ARHGEF12: variants seen among roughly 807,000 people sequenced by gnomAD.
ARHGEF12 encodes Rho guanine nucleotide exchange factor 12.
Under a neutral mutation model 211.2 loss-of-function variants are expected in ARHGEF12, and 66 were observed. That is an observed-to-expected ratio of 0.31 (90% CI 0.26 to 0.38). ARHGEF12 has a LOEUF of 0.38. Ranked by LOEUF, ARHGEF12 falls within the 10% of genes least tolerant of loss-of-function variation. The pLI, the probability that ARHGEF12 is intolerant of heterozygous loss-of-function variation, is 1.00. For synonymous variants in ARHGEF12, 592 were observed against 638.4 expected (o/e 0.93, Z 1.09); for missense variants, 1,429 against 1,869.5 (o/e 0.76, Z 4.34).
At chr11:120,390,153 A>T (rs1944167411) in intron 1 of ARHGEF12, among the ~76,000 whole-genome samples, 1 of 151,932 alleles carries the variant, frequency 6.6e-6, no homozygotes, top group Non-Finnish European at 1.5e-5. Context: ...CAATCAAAGG[A>T]TAGTTGGGTC....
chr11:120,468,914 CA>C (rs1416903599), intron 29 of ARHGEF12, among the ~76,000 whole-genome samples: 1 of 152,104 alleles, frequency 6.6e-6, no homozygotes, highest in African/African-American at 2.4e-5. Flanking sequence ...GTAGGCTATG[CA>C]CTGTGAAATT....
At chr11:120,355,138 T>C (rs1414093139) in intron 1 of ARHGEF12, among the ~76,000 whole-genome samples, 1 of 152,184 alleles carries the variant, frequency 6.6e-6, no homozygotes, top group Middle Eastern at 3.2e-3. Flanking sequence ...AAAAGTCAGA[T>C]TGGCAAAAAT....
chr11:120,421,889 TA>T (rs754683208), intron 6 of ARHGEF12, 37 bp downstream of exon 6: 7 of 1,526,012 alleles, frequency 4.6e-6, no homozygotes, highest in Admixed American at 1.8e-5. Context: ...ACGGTAGGAT[TA>T]AAAAACAACA....
chr11:120,453,138 G>A (rs759231241), intron 22 of ARHGEF12, among the ~76,000 whole-genome samples: 2 of 152,186 alleles, frequency 1.3e-5, no homozygotes, highest in African/African-American at 4.8e-5. Flanking sequence ...GTCTCAGAGG[G>A]CTGTAGCAGA....
Position 120,484,473 on chromosome 11 carries a change from G to A in ARHGEF12, c.4590G>A (p.Arg1530=), listed in dbSNP as rs1484412352. 6.2e-7 allele frequency: 1 copy of A among 1,614,056 alleles called. No individual in the cohort carries two copies. Among genetic ancestry groups the A allele is most frequent in the Admixed American group, 1.7e-5 (1 of 60,022 alleles). The change falls in exon 40 of 41, where the codon AGG becomes AGA. Residue 1530 remains arginine, a synonymous_variant. Transcript: ENST00000397843. ...VEESYTILCQ[R]LAGSALTDKH... ...AAAGTTACACCATTCTTTGCCAAAG[G>A]CTGGCTGGATCAGCCCTCACAGACA...
At chr11:120,424,517 G>A in intron 7 of ARHGEF12, 102 bp downstream of exon 7, 2 of 917,842 alleles carry the variant, frequency 2.2e-6, no homozygotes, top group South Asian at 2.9e-5. Flanking sequence ...TTTAGGCTAT[G>A]TGGACTATAT....
At chr11:120,476,931 T>C (rs1947048710) in intron 34 of ARHGEF12, 183 bp downstream of exon 34, 1 of 597,956 alleles carries the variant, frequency 1.7e-6, no homozygotes, top group Non-Finnish European at 2.9e-6. Context: ...TTTGATTCTA[T>C]TCTGAAAGTT....
intron 32 of ARHGEF12, among the ~76,000 whole-genome samples, 158 bp from the exon 33 acceptor site, chr11:120,475,182 A>G (rs1268092882): frequency 6.6e-6 from 1 of 152,232 alleles, no homozygotes; most frequent in Non-Finnish European, 1.5e-5. Context: ...ATAAAAATGA[A>G]TTACTGAAAA....
At chr11:120,369,006 T>C (rs1055412035) in intron 1 of ARHGEF12, among the ~76,000 whole-genome samples, 8 of 152,220 alleles carry the variant, frequency 5.3e-5, no homozygotes, top group African/African-American at 1.7e-4. Flanking sequence ...GTGGTCATTC[T>C]TTAGGTGCTG....
At chr11:120,401,866 T>G (rs1222016506) in intron 1 of ARHGEF12, among the ~76,000 whole-genome samples, 1 of 152,210 alleles carries the variant, frequency 6.6e-6, no homozygotes, top group East Asian at 1.9e-4. Flanking sequence ...AGCTAAAAAC[T>G]TATTTGAATA....
intron 1 of ARHGEF12, among the ~76,000 whole-genome samples, chr11:120,350,737 G>C (rs911107820): frequency 1.4e-4 from 21 of 152,126 alleles, no homozygotes; most frequent in Admixed American, 1.1e-3. Context: ...TGGAATCTAA[G>C]AAGTTTTAGA....
Position 120,347,132 on chromosome 11 carries a change from T to TTTCC in ARHGEF12, c.32+9908_32+9911dup, listed in dbSNP as rs71050738. On this transcript the variant is annotated intron_variant, in intron 1 of 40. Coordinates refer to ENST00000397843, the MANE Select transcript of ARHGEF12 (RefSeq NM_015313.3). ...TCCAGCCTCTCCCTTTCTTTCTTTCTTTCCTTCCTTCCTTCCTTCCTTCCT... is the reference window on the plus strand; with the variant it reads ...TCCAGCCTCTCCCTTTCTTTCTTTCTTTCCTTCCTTCCTTCCTTCCTTCCTTCCT... 2.1e-3 allele frequency among the ~76,000 whole-genome samples: 246 copies of TTTCC among 115,594 alleles called. 5 individuals are homozygous for TTTCC. Among genetic ancestry groups the TTTCC allele is most frequent in the Middle Eastern group, 4.3e-3 (1 of 234 alleles). The allele number at this position is 115,594 out of a possible 152,430, so 75.8% of individuals were successfully genotyped here. A position where few individuals can be genotyped will look rare whatever the true frequency, so the allele number is the denominator to read the frequency against.
intron 1 of ARHGEF12, among the ~76,000 whole-genome samples, chr11:120,340,651 T>A (rs1031391179): frequency 6.6e-6 from 1 of 152,232 alleles, no homozygotes; most frequent in African/African-American, 2.4e-5. Flanking sequence ...TTTTCAACGT[T>A]GCATGAGTCA....
chr11:120,382,692 C>G (rs1423113459), intron 1 of ARHGEF12, among the ~76,000 whole-genome samples: 1 of 152,190 alleles, frequency 6.6e-6, no homozygotes, highest in African/African-American at 2.4e-5. Context: ...CTCTCTCTCT[C>G]TCATTGTGGT....
chr11:120,342,645 A>G (rs1942570025), intron 1 of ARHGEF12, among the ~76,000 whole-genome samples: 1 of 152,098 alleles, frequency 6.6e-6, no homozygotes, highest in Admixed American at 6.5e-5. Flanking sequence ...ATTTTGATTC[A>G]CTTTTATTTT....
chr11:120,341,671 A>G (rs1942541649), intron 1 of ARHGEF12, among the ~76,000 whole-genome samples: 1 of 152,212 alleles, frequency 6.6e-6, no homozygotes. Context: ...GTCTGACATT[A>G]TTAGAAATGT....
At chr11:120,338,446 C>T (rs1942424129) in intron 1 of ARHGEF12, among the ~76,000 whole-genome samples, 1 of 152,196 alleles carries the variant, frequency 6.6e-6, no homozygotes. Flanking sequence ...TGATGCTTTC[C>T]AGCATCACAT....
At chr11:120,442,070 C>T (rs1945883992) in intron 14 of ARHGEF12, 34 bp from the exon 15 acceptor site, 2 of 1,466,892 alleles carry the variant, frequency 1.4e-6, no homozygotes, top group African/African-American at 1.4e-5. Context: ...CATGGTTCCT[C>T]ATTTTGTCTT....
chr11:120,343,379 G>A (rs373135395), intron 1 of ARHGEF12, among the ~76,000 whole-genome samples: 3 of 152,192 alleles, frequency 2.0e-5, no homozygotes, highest in African/African-American at 4.8e-5. Context: ...AGAATATCTG[G>A]AATCATCAAG....
Sources: allele counts gnomAD v4.1 joint callset (sites outside exome capture counted in the v4.1 genomes callset), GRCh38; gene constraint gnomAD v4.1.1; transcripts MANE v1.5; gene names NCBI Gene and HGNC (gene_info 2026-07-23, HGNC 2026-07-21).